Variants in FOXP2 observed in about 807,000 individuals in gnomAD.
FOXP2 encodes the protein forkhead box protein P2.
A neutral mutation model predicts 115.8 loss-of-function variants in FOXP2; 12 were observed. That is an observed-to-expected ratio of 0.10 (90% CI 0.07 to 0.17). The LOEUF (loss-of-function observed/expected upper bound fraction) is 0.17, where lower values mean the gene tolerates loss of function less well. FOXP2 is among the 10% of genes least tolerant of loss of function. FOXP2 has a pLI of 1.00. For synonymous variants in FOXP2, 328 were observed against 297.7 expected (o/e 1.10, Z -1.05); for missense variants, 629 against 843.5 (o/e 0.75, Z 3.15).
chr7:114,548,602 G>T (rs1349228049), intron 3 of FOXP2, among the ~76,000 whole-genome samples: 1 of 152,170 alleles, frequency 6.6e-6, no homozygotes. Flanking sequence ...TGTGACTAAA[G>T]TTCAGTGGGT....
At position 114,497,882 on chromosome 7, in the gene FOXP2, T is replaced by C. The variant is rs1797392976; in HGVS notation, c.169-36735T>C. 2.6e-5 allele frequency among the ~76,000 whole-genome samples: 4 copies of C among 152,230 alleles called. No homozygotes were observed. The South Asian group carries it at 8.3e-4, about 32-fold the overall frequency. On this transcript the variant is annotated intron_variant, in intron 2 of 16. Transcript: ENST00000350908. ...CTAAGAATGATCCTTTGGAATAAGA[T>C]GGAGACAATATTATCTCCACTTATA...
chr7:114,282,720 C>T (rs1796369788), intron 1 of FOXP2, among the ~76,000 whole-genome samples: 1 of 152,188 alleles, frequency 6.6e-6, no homozygotes, highest in East Asian at 1.9e-4. Flanking sequence ...CTGCTTTAAT[C>T]AAAGTGGGAT....
chr7:114,155,572 A>T (rs1792642618), intron 1 of FOXP2, among the ~76,000 whole-genome samples: 1 of 152,128 alleles, frequency 6.6e-6, no homozygotes, highest in Non-Finnish European at 1.5e-5. Flanking sequence ...TGCAGGAGAG[A>T]ATTAGCAAGG....
At position 114,171,678 on chromosome 7, in the gene FOXP2, G is replaced by A. The variant is rs891901040; in HGVS notation, c.-102+8590G>A. ...CCTGTTAACACATCCATTCCATAGC[G>A]CACAGATCAAGGGGTAATTTCCACT... On this transcript the variant is annotated intron_variant, in intron 1 of 17. Coordinates refer to the FOXP2 transcript ENST00000634411. Among the ~76,000 whole-genome samples, 6 of 152,266 alleles carry A rather than the reference G, an allele frequency of 3.9e-5. No individual in the cohort carries two copies. The South Asian group carries it at 8.3e-4, about 21-fold the overall frequency.
At position 114,157,053 on chromosome 7, in the gene FOXP2, GA is replaced by G. The variant is rs1792690967; in HGVS notation, c.-246-5887del. ...GTGATAATTATTTCTTGCAGTTGAT[GA>G]AAACAAAAGATTAAGAAGGACTTAA... On this transcript the variant is annotated intron_variant, in intron 1 of 19. Transcript: ENST00000635638. Among the ~76,000 whole-genome samples, 2 of 152,032 alleles carry G rather than the reference GA, an allele frequency of 1.3e-5. 1 individual carries two copies. The highest frequency in any genetic ancestry group is 1.3e-4 in the Admixed American group (2 of 15,240).
intron 3 of FOXP2, among the ~76,000 whole-genome samples, chr7:114,627,411 T>C (rs1188376436): frequency 1.3e-5 from 2 of 152,098 alleles, no homozygotes; most frequent in Non-Finnish European, 2.9e-5. Flanking sequence ...ATTTCAAAGG[T>C]TGCAAACTTG....
At position 114,652,757 on chromosome 7, in the gene FOXP2, TTTAA is replaced by T. The variant is rs138772513; in HGVS notation, c.1182+472_1182+475del. Among the ~76,000 whole-genome samples the T allele has an allele frequency of 9.4e-3, 1,426 of 152,262 alleles. 18 individuals are homozygous for T. Among genetic ancestry groups the T allele is most frequent in the African/African-American group, 0.032 (1,345 of 41,568 alleles). On this transcript the variant is annotated intron_variant, in intron 9 of 16. Transcript: ENST00000350908. ...TTTTCTTTTCTTTTTCTAGTGTAAT[TTTAA>T]TTAAAGAACTTGCAAAAAAATCTTT...
chr7:114,194,506 C>A (rs781453872), intron 1 of FOXP2, among the ~76,000 whole-genome samples: 1 of 151,668 alleles, frequency 6.6e-6, no homozygotes, highest in Admixed American at 6.6e-5. Flanking sequence ...TAAGACCTAC[C>A]ATGCTTACCC....
chr7:114,491,223 T>C lies in FOXP2; in HGVS notation c.169-43394T>C, dbSNP rs1209127272. Among the ~76,000 whole-genome samples, 12 of 152,304 alleles carry C rather than the reference T, an allele frequency of 7.9e-5. No homozygotes were observed. In the South Asian group the frequency reaches 1.7e-3, roughly 21 times the overall value. On this transcript the variant is annotated intron_variant, in intron 2 of 16. Coordinates refer to ENST00000350908, the MANE Select transcript of FOXP2 (RefSeq NM_014491.4). ...CTAACTGGTGTGAGATGGTATCTCA[T>C]TGTGGTTTTGATTTGCATTTCTCTG...
chr7:114,099,598 G>T (rs561389754), intron 1 of FOXP2, among the ~76,000 whole-genome samples: 1 of 152,162 alleles, frequency 6.6e-6, no homozygotes, highest in Non-Finnish European at 1.5e-5. Flanking sequence ...ATTCACAGTA[G>T]CCAAGATATG....
intron 3 of FOXP2, among the ~76,000 whole-genome samples, chr7:114,578,095 A>T (rs1801664822): frequency 1.3e-5 from 2 of 152,046 alleles, no homozygotes; most frequent in Admixed American, 1.3e-4. Flanking sequence ...TTAATACAAA[A>T]TTCAATTAAT....
intron 2 of FOXP2, among the ~76,000 whole-genome samples, chr7:114,462,423 G>A (rs1246875306): frequency 8.1e-6 from 1 of 123,094 alleles, no homozygotes; most frequent in Admixed American, 9.6e-5. Context: ...CCAGGCTGAA[G>A]TGCATTGGCG....
intron 3 of FOXP2, among the ~76,000 whole-genome samples, chr7:114,585,183 A>C (rs922239849): frequency 6.6e-6 from 1 of 152,322 alleles, no homozygotes; most frequent in Middle Eastern, 3.4e-3. Context: ...TGAGACATTA[A>C]GGAATGGATA....
At chr7:114,170,353 G>A (rs371282270) in intron 1 of FOXP2, among the ~76,000 whole-genome samples, 5 of 152,128 alleles carry the variant, frequency 3.3e-5, no homozygotes, top group Admixed American at 2.0e-4. Context: ...AAAAAACAAC[G>A]ATGTTGAAAT....
intron 2 of FOXP2, among the ~76,000 whole-genome samples, chr7:114,508,166 C>G (rs1797914709): frequency 6.6e-6 from 1 of 151,828 alleles, no homozygotes. Flanking sequence ...TATGAAATAA[C>G]AAGCACAACT....
rs886061931 is a variant in FOXP2, at chr7:114,692,484, A to G, written c.*2558A>G. The G allele has an allele frequency of 2.9e-5, 13 of 453,272 alleles. No homozygotes were observed. The highest frequency in any genetic ancestry group is 5.7e-5 in the Non-Finnish European group (13 of 226,566). The allele number at this position is 453,272 out of a possible 1,614,324, so 28.1% of individuals were successfully genotyped here. ...TTTGATAATTGTGCATATTATGTAA[A>G]AATGTTGGTGGACCCATAAATGACC... On this transcript the variant is annotated 3_prime_UTR_variant, in exon 17 of 17. Transcript: ENST00000350908.
chr7:114,572,081 T>C (rs1233740724), intron 3 of FOXP2, among the ~76,000 whole-genome samples: 4 of 151,776 alleles, frequency 2.6e-5, no homozygotes, highest in Non-Finnish European at 5.9e-5. Flanking sequence ...ATTTCATACT[T>C]TGGTTAAAAA....
At chr7:114,654,059 G>A (rs2129338726) in intron 10 of FOXP2, 50 bp downstream of exon 10, 1 of 1,612,028 alleles carries the variant, frequency 6.2e-7, no homozygotes, top group East Asian at 2.2e-5. Context: ...CAATGTAACA[G>A]ACTAAGAAAA....
Position 114,371,792 on chromosome 7 carries a change from A to C in FOXP2, c.-10-54710A>C, listed in dbSNP as rs143073123. 1.5e-3 allele frequency among the ~76,000 whole-genome samples: 232 copies of C among 152,264 alleles called. 8 individuals are homozygous for C. The East Asian group carries it at 0.03, about 20-fold the overall frequency. ...CAGTAAATGAATGAATGAAAATTAC[A>C]TTTACCTTTTTTATGTAATGTACTT... is the stretch of plus-strand genomic sequence containing the variant. On this transcript the variant is annotated intron_variant, in intron 2 of 17. Transcript: ENST00000634411.
Sources: gnomAD v4.1 joint callset for allele counts (sites outside exome capture counted in the v4.1 genomes callset) on GRCh38, gnomAD v4.1.1 for gene constraint, MANE v1.5 for transcripts, NCBI Gene and HGNC (gene_info 2026-07-23, HGNC 2026-07-21) for gene names.